AP1G1: variants seen among roughly 807,000 people sequenced by gnomAD.
AP1G1 encodes adaptor related protein complex 1 subunit gamma 1.
Under a neutral mutation model 108.3 loss-of-function variants are expected in AP1G1, and 7 were observed. The ratio of observed to expected loss-of-function variants is 0.06; its 90% CI spans 0.04 to 0.12. The LOEUF (loss-of-function observed/expected upper bound fraction) is 0.12. Ranked by LOEUF, AP1G1 falls within the 10% of genes least tolerant of loss-of-function variation. AP1G1 has a pLI of 1.00. For missense variants in AP1G1, 756 were observed against 1,010.7 expected (o/e 0.75, Z 3.42); for synonymous variants, 379 against 353.5 (o/e 1.07, Z -0.81).
In AP1G1 at chr16:71,767,936, C is replaced by G; in HGVS notation, c.642+1687G>C. ...GACAACAGGAACAAAACATACAAAG[C>G]AAGCATTAGGGACAGATACGGGTCT... On this transcript the variant is annotated intron_variant, in intron 6 of 22. Transcript: ENST00000299980. 7 of 1,577,370 alleles carry G rather than the reference C, an allele frequency of 4.4e-6. No homozygotes were observed. In the South Asian group the frequency reaches 7.7e-5, roughly 17 times the overall value.
At position 71,756,154 on chromosome 16, in the gene AP1G1, G is replaced by A; in HGVS notation, c.1094C>T (p.Ala365Val). Residue 365 changes from alanine (A) to valine (V), a missense_variant, in exon 12 of 23, where the codon GCA becomes GTA. Transcript: ENST00000299980. ...TACCAGGGCAAAACTCAATTCCATT[G>A]CACGCCTTGCAGAAGGGAAAAATTA... ...KDLDVSIKRR[A>V]MELSFALVNG... 6.2e-7 allele frequency: 1 copy of A among 1,603,184 alleles called. No individual in the cohort carries two copies. The highest frequency in any genetic ancestry group is 8.5e-7 in the Non-Finnish European group (1 of 1,177,112).
At chr16:71,788,626 A>C (rs1490661582) in intron 2 of AP1G1, among the ~76,000 whole-genome samples, 6 of 151,120 alleles carry the variant, frequency 4.0e-5, no homozygotes, top group Non-Finnish European at 8.8e-5. Context: ...CGCTGTGCCC[A>C]GATAAAGCAA....
At chr16:71,736,098 C>CAA (rs1213680207) in intron 21 of AP1G1, among the ~76,000 whole-genome samples, 44 of 25,400 alleles carry the variant, frequency 1.7e-3, no homozygotes, top group Non-Finnish European at 2.0e-3. Context: ...GACTCCATCT[C>CAA]AAAAAAAAAA....
At chr16:71,748,161 G>A in intron 16 of AP1G1, 90 bp downstream of exon 16, 1 of 1,413,696 alleles carries the variant, frequency 7.1e-7, no homozygotes, top group South Asian at 1.3e-5. Flanking sequence ...GTCTATGCTT[G>A]AAATTTTCCA....
At chr16:71,775,779 C>T (rs549735250) in intron 2 of AP1G1, among the ~76,000 whole-genome samples, 30 of 152,188 alleles carry the variant, frequency 2.0e-4, no homozygotes, top group African/African-American at 7.0e-4. Context: ...GAATCCAATA[C>T]AGAAAAAACA....
At chr16:71,769,494 C>G (rs778139605) in intron 6 of AP1G1, 129 bp downstream of exon 6, 1 of 863,468 alleles carries the variant, frequency 1.2e-6, no homozygotes. Context: ...AATTGCATAG[C>G]AGGGCTAGTT....
chr16:71,755,789 G>T (rs1048602661), intron 12 of AP1G1, among the ~76,000 whole-genome samples: 1 of 152,124 alleles, frequency 6.6e-6, no homozygotes, highest in African/African-American at 2.4e-5. Flanking sequence ...GGGACTACAG[G>T]CGCGTGCCAC....
intron 1 of AP1G1, among the ~76,000 whole-genome samples, chr16:71,801,189 C>G (rs1312788409): frequency 6.6e-6 from 1 of 152,004 alleles, no homozygotes. Context: ...TGCCTATAAT[C>G]CCAGCTACTC....
rs148573704 is a variant in AP1G1, at chr16:71,778,965, C to T, written c.202-4373G>A. On this transcript the variant is annotated intron_variant, in intron 2 of 22. Coordinates refer to ENST00000299980, the MANE Select transcript of AP1G1 (RefSeq NM_001128.6). ...TGGAGTACTACTACTCCACTTAAAG[C>T]GACTTGAAAAACCTACCTGAAACAT... Among the ~76,000 whole-genome samples, 50 of 152,270 alleles carry T rather than the reference C, an allele frequency of 3.3e-4. No individual in the cohort carries two copies. The East Asian group carries it at 8.7e-3, about 26-fold the overall frequency.
rs1340834813 is a variant in AP1G1, at chr16:71,731,229, C to T, written c.*1829G>A. On this transcript the variant is annotated 3_prime_UTR_variant, in exon 23 of 23. Transcript: ENST00000299980. Reference sequence around the variant, plus strand: ...GCAGGAGATATTATCCTGTTCTTGACTCAGTCAACCATTTACCCAGTGGAG... The same window carrying T: ...GCAGGAGATATTATCCTGTTCTTGATTCAGTCAACCATTTACCCAGTGGAG... 6.6e-6 allele frequency: 1 copy of T among 152,526 alleles called. No homozygotes were observed. The highest frequency in any genetic ancestry group is 1.9e-4 in the East Asian group (1 of 5,198). The allele number at this position is 152,526 out of a possible 1,614,324, so 9.4% of individuals were successfully genotyped here. A position where few individuals can be genotyped will look rare whatever the true frequency, so the allele number is the denominator to read the frequency against.
At chr16:71,735,262 C>A (rs542119465) in intron 21 of AP1G1, among the ~76,000 whole-genome samples, 1 of 152,122 alleles carries the variant, frequency 6.6e-6, no homozygotes, top group Non-Finnish European at 1.5e-5. Flanking sequence ...ACAGAAGGAA[C>A]GGAAAGACTT....
chr16:71,780,644 T>C (rs576737557), intron 2 of AP1G1, among the ~76,000 whole-genome samples: 1 of 152,206 alleles, frequency 6.6e-6, no homozygotes, highest in South Asian at 2.1e-4. Flanking sequence ...TTTATTTTTT[T>C]GTTTAGAGAC....
intron 1 of AP1G1, among the ~76,000 whole-genome samples, chr16:71,804,065 G>T (rs576892858): frequency 4.0e-5 from 6 of 148,770 alleles, no homozygotes; most frequent in African/African-American, 1.5e-4. Context: ...TTTTTTTTTG[G>T]AGACAAGAGT....
At chr16:71,773,841 G>T (rs968346862) in intron 3 of AP1G1, among the ~76,000 whole-genome samples, 2 of 150,490 alleles carry the variant, frequency 1.3e-5, no homozygotes, top group African/African-American at 4.9e-5. Flanking sequence ...TACTTGGGAG[G>T]CTGAGTAGCT....
intron 2 of AP1G1, 52 bp from the exon 3 acceptor site, chr16:71,774,644 C>G (rs1346117977): frequency 1.2e-5 from 19 of 1,529,486 alleles, no homozygotes; most frequent in Non-Finnish European, 1.6e-5. Flanking sequence ...CTACCACAAT[C>G]TAGAAAAGCA....
rs1426556025 is a variant in AP1G1 at position 71,729,320 on chromosome 16, A to C, written c.*3738T>G. The C allele has an allele frequency of 1.3e-5, 2 of 152,450 alleles. No individual in the cohort carries two copies. Among genetic ancestry groups the C allele is most frequent in the African/African-American group, 4.8e-5 (2 of 41,396 alleles). The allele number at this position is 152,450 out of a possible 1,614,324, so 9.4% of individuals were successfully genotyped here. Reference sequence around the variant, plus strand: ...TAAGAAAGAAAAGGGCCTTTATAGGAACACAGTGGGAGTTCATAAAGGAAA... The same window carrying C: ...TAAGAAAGAAAAGGGCCTTTATAGGCACACAGTGGGAGTTCATAAAGGAAA... On this transcript the variant is annotated 3_prime_UTR_variant, in exon 23 of 23. Coordinates refer to ENST00000299980, the MANE Select transcript of AP1G1 (RefSeq NM_001128.6).
Position 71,739,340 on chromosome 16 carries a change from A to T in AP1G1, c.2001T>A (p.Gly667=). The T allele has an allele frequency of 1.3e-6, 2 of 1,585,700 alleles. No homozygotes were observed. Among genetic ancestry groups the T allele is most frequent in the Non-Finnish European group, 1.7e-6 (2 of 1,172,310 alleles). ...CAGGGGCAGGAGCAGCAGCTGGAGC[A>T]CCTAAAGGAAATATTTTAATGGAAA... ...LDLLGDINLT[G]APAAAPAPAS... is the part of the protein sequence containing the mutation. Residue 667 remains glycine (G), a splice_region_variant and synonymous_variant, in exon 20 of 23, where the codon GGT becomes GGA. Coordinates refer to ENST00000299980, the MANE Select transcript of AP1G1 (RefSeq NM_001128.6).
intron 19 of AP1G1, among the ~76,000 whole-genome samples, chr16:71,741,486 G>A (rs1350346478): frequency 6.6e-6 from 1 of 152,168 alleles, no homozygotes; most frequent in Non-Finnish European, 1.5e-5. Flanking sequence ...GGGAGGCTGA[G>A]GCAGGAGAAT....
At chr16:71,770,786 C>A (rs2031540181) in intron 5 of AP1G1, among the ~76,000 whole-genome samples, 1 of 152,156 alleles carries the variant, frequency 6.6e-6, no homozygotes, top group African/African-American at 2.4e-5. Context: ...ATCTTATACT[C>A]CTACCACATG....
Sources: gnomAD v4.1 joint callset for allele counts (sites outside exome capture counted in the v4.1 genomes callset) on GRCh38, gnomAD v4.1.1 for gene constraint, MANE v1.5 for transcripts, NCBI Gene and HGNC (gene_info 2026-07-23, HGNC 2026-07-21) for gene names.